DMD: variants seen among roughly 807,000 people sequenced by gnomAD.
DMD encodes the protein dystrophin.
DMD carries 63 observed loss-of-function variants against 330.1 expected under a neutral mutation model. The ratio of observed to expected loss-of-function variants is 0.19; its 90% CI spans 0.16 to 0.24. DMD has a LOEUF of 0.24. Ranked by LOEUF, DMD falls within the 10% of genes least tolerant of loss-of-function variation. The probability of loss-of-function intolerance (pLI) is 1.00; values close to 1 mark genes in which losing one functional copy is unlikely to be tolerated. For synonymous variants in DMD, 1,223 were observed against 959.8 expected, an observed-to-expected ratio of 1.27 and a Z score of -5.07; for missense variants, 3,344 against 2,684.1, an observed-to-expected ratio of 1.25 and a Z score of -5.43.
rs1351781948 is a variant in DMD at position 32,252,725 on chromosome X, AATATATAAATAT to A, written c.6290+34792_6290+34803del. On this transcript the variant is annotated intron_variant, in intron 43 of 78. Coordinates refer to ENST00000357033, the MANE Select transcript of DMD (RefSeq NM_004006.3). ...ATATATAAATATATAAATATATATA[AATATATAAATAT>A]ATATATAAATATATATAAATATATA... is the stretch of plus-strand genomic sequence containing the variant. 2.4e-3 allele frequency among the ~76,000 whole-genome samples: 86 copies of A among 36,413 alleles called. 1 individual carries two copies. The highest frequency in any genetic ancestry group is 2.7e-3 in the African/African-American group (19 of 6,993). The allele number at this position is 36,413 out of a possible 115,157, so 31.6% of individuals were successfully genotyped here.
At chrX:32,912,161 T>C (rs923701517) in intron 2 of DMD, among the ~76,000 whole-genome samples, 5 of 110,246 alleles carry the variant, frequency 4.5e-5, no homozygotes, top group Admixed American at 9.7e-5. Flanking sequence ...AGATCATTCA[T>C]TGGAAGCTGC....
In DMD at chrX:31,703,243, G is replaced by A. The variant is rs779071030; in HGVS notation, c.7661-23657C>T. On this transcript the variant is annotated intron_variant, in intron 52 of 78. Transcript: ENST00000357033. ...CCTATCCTACAAGATCTTTTATAAC[G>A]TGGCCTTTGTCTACTTTTCTAGTTT... is the stretch of plus-strand genomic sequence containing the variant. Among the ~76,000 whole-genome samples, 9 of 112,043 alleles carry A rather than the reference G, an allele frequency of 8.0e-5. No homozygotes were observed. The South Asian group carries it at 1.5e-3, about 18-fold the overall frequency.
intron 11 of DMD, among the ~76,000 whole-genome samples, chrX:32,628,016 G>A (rs189680239): frequency 9.8e-4 from 108 of 109,773 alleles, no homozygotes; most frequent in Non-Finnish European, 2.7e-4. Context: ...CCATCACCTC[G>A]AGCACTTATC....
intron 55 of DMD, among the ~76,000 whole-genome samples, chrX:31,615,400 G>T (rs1004194439): frequency 1.8e-5 from 2 of 111,565 alleles, no homozygotes; most frequent in African/African-American, 6.5e-5. Context: ...GTGATTTCCT[G>T]TGTTACTCAG....
At chrX:33,237,274 A>C in intron 1 of DMD, among the ~76,000 whole-genome samples, 1 of 87,149 alleles carries the variant, frequency 1.1e-5, no homozygotes, top group Non-Finnish European at 2.2e-5. Flanking sequence ...ATGGAGTTTC[A>C]CTCTTGTTGC....
intron 1 of DMD, among the ~76,000 whole-genome samples, chrX:33,312,813 G>A (rs943040895): frequency 9.0e-6 from 1 of 111,323 alleles, no homozygotes; most frequent in Non-Finnish European, 1.9e-5. Context: ...CAACAGCACT[G>A]TAACTCAAGC....
At chrX:31,484,412 T>C (rs1447865690) in intron 57 of DMD, among the ~76,000 whole-genome samples, 1 of 111,901 alleles carries the variant, frequency 8.9e-6, no homozygotes, top group Non-Finnish European at 1.9e-5. Context: ...AATTACTTCC[T>C]GAATCCCTTG....
chrX:31,457,927 G>A (rs908804006), intron 59 of DMD, among the ~76,000 whole-genome samples: 29 of 111,477 alleles, frequency 2.6e-4, no homozygotes, highest in African/African-American at 9.4e-4. Flanking sequence ...GGCTAAAAAG[G>A]ATTGCAAAAA....
At chrX:32,248,825 TGAA>T (rs1262732177) in intron 43 of DMD, among the ~76,000 whole-genome samples, 1 of 111,074 alleles carries the variant, frequency 9.0e-6, no homozygotes, top group Non-Finnish European at 1.9e-5. Context: ...ATTTTAAACA[TGAA>T]AATAATAATG....
At chrX:32,777,144 G>C (rs1207686998) in intron 7 of DMD, among the ~76,000 whole-genome samples, 1 of 106,121 alleles carries the variant, frequency 9.4e-6, no homozygotes, top group Non-Finnish European at 1.9e-5. Flanking sequence ...AATTAAAAAC[G>C]AGCACTGATA....
In DMD at chrX:33,010,214, A is replaced by G. The variant is rs200201575; in HGVS notation, c.93+9925T>C. ...TGTATATATGCATATGTGTGTGTAT[A>G]TGTACATATGTGTGTATATATGTAC... On this transcript the variant is annotated intron_variant, in intron 2 of 78. Transcript: ENST00000357033. Among the ~76,000 whole-genome samples, 26 of 90,071 alleles carry G rather than the reference A, an allele frequency of 2.9e-4. No homozygotes were observed. The East Asian group carries it at 3.1e-3, about 11-fold the overall frequency. 78.2% of individuals were successfully genotyped at this position (90,071 alleles called of 115,157 possible).
At chrX:31,883,590 C>A (rs896028450) in intron 47 of DMD, among the ~76,000 whole-genome samples, 1 of 111,312 alleles carries the variant, frequency 9.0e-6, no homozygotes, top group Admixed American at 9.6e-5. Flanking sequence ...GAGATAAACA[C>A]AGAGACCTAT....
intron 7 of DMD, among the ~76,000 whole-genome samples, chrX:32,779,265 G>C (rs867268377): frequency 2.9e-4 from 28 of 95,068 alleles, no homozygotes; most frequent in Admixed American, 1.7e-3. Context: ...CACACACACA[G>C]AGAGTCATTA....
At chrX:32,772,205 T>C (rs1287781906) in intron 7 of DMD, among the ~76,000 whole-genome samples, 1 of 112,707 alleles carries the variant, frequency 8.9e-6, no homozygotes, top group Non-Finnish European at 1.9e-5. Flanking sequence ...TTGCTTCATT[T>C]TTGAATGCCG....
At chrX:32,458,863 T>A (rs1453489674) in intron 25 of DMD, among the ~76,000 whole-genome samples, 1 of 111,576 alleles carries the variant, frequency 9.0e-6, no homozygotes, top group East Asian at 2.8e-4. Flanking sequence ...TTTTTGCTAT[T>A]GAATTTTAGA....
chrX:31,983,113 T>C (rs1305060531), intron 44 of DMD, among the ~76,000 whole-genome samples: 1 of 110,054 alleles, frequency 9.1e-6, no homozygotes, highest in Non-Finnish European at 1.9e-5. Context: ...TTTTGCAAAA[T>C]ACAGATTACT....
intron 60 of DMD, among the ~76,000 whole-genome samples, chrX:31,422,028 C>CATATAT (rs1330450541): frequency 2.6e-3 from 15 of 5,860 alleles, no homozygotes; most frequent in African/African-American, 4.2e-3. Flanking sequence ...AACACACACA[C>CATATAT]ATATATATAT....
intron 56 of DMD, among the ~76,000 whole-genome samples, chrX:31,505,343 A>G (rs1262691624): frequency 9.0e-6 from 1 of 111,604 alleles, no homozygotes; most frequent in Non-Finnish European, 1.9e-5. Context: ...ATTCATATAC[A>G]AAATAGGGAG....
chrX:33,007,647 C>G (rs759354034), intron 2 of DMD, among the ~76,000 whole-genome samples: 104 of 111,346 alleles, frequency 9.3e-4, no homozygotes, highest in Non-Finnish European at 1.8e-3. Context: ...AGCTCGCTAG[C>G]TAACAGGGCC....
Sources: allele counts gnomAD v4.1 joint callset (sites outside exome capture counted in the v4.1 genomes callset), GRCh38; gene constraint gnomAD v4.1.1; transcripts MANE v1.5; gene names NCBI Gene and HGNC (gene_info 2026-07-23, HGNC 2026-07-21).